The following COL8A1 variants were observed in gnomAD, a reference collection of about 807,000 sequenced individuals.
COL8A1 encodes the protein collagen type VIII alpha 1 chain.
COL8A1 carries 21 observed loss-of-function variants against 42.7 expected under a neutral mutation model. The observed-to-expected ratio is 0.49, with a 90% CI of 0.35 to 0.71. The LOEUF is 0.71. Among genes scored for constraint, COL8A1 ranks in the 30% least tolerant of loss-of-function variants. The probability of loss-of-function intolerance (pLI) is 0.01; values close to 1 mark genes in which losing one functional copy is unlikely to be tolerated. For synonymous variants in COL8A1, 367 were observed against 369.1 expected (o/e 0.99, Z 0.06); for missense variants, 788 against 962.4 (o/e 0.82, Z 2.40).
chr3:99,679,677 A>G (rs1179721664), intron 1 of COL8A1: 1 of 152,226 alleles, frequency 6.6e-6, no homozygotes, highest in African/African-American at 2.4e-5. Flanking sequence ...CTGTCAAACA[A>G]GAGAGATGAG....
intron 1 of COL8A1, among the ~76,000 whole-genome samples, chr3:99,694,759 T>C (rs1353439407): frequency 2.6e-5 from 4 of 152,212 alleles, no homozygotes; most frequent in Admixed American, 6.5e-5. Context: ...TTGCAGGGCT[T>C]TATTGATAGA....
intron 2 of COL8A1, among the ~76,000 whole-genome samples, chr3:99,772,300 C>T (rs755297370): frequency 5.3e-5 from 8 of 152,116 alleles, no homozygotes; most frequent in Non-Finnish European, 7.4e-5. Context: ...GAGTTTTCAG[C>T]GGTTGGGGAG....
intron 1 of COL8A1, among the ~76,000 whole-genome samples, chr3:99,704,460 A>C (rs998538992): frequency 6.6e-6 from 1 of 151,938 alleles, no homozygotes; most frequent in African/African-American, 2.4e-5. Flanking sequence ...TGTGCACAAC[A>C]TGCAGGTTTG....
At chr3:99,756,098 T>C (rs1941248619) in intron 2 of COL8A1, among the ~76,000 whole-genome samples, 1 of 151,450 alleles carries the variant, frequency 6.6e-6, no homozygotes, top group Non-Finnish European at 1.5e-5. Context: ...TGCAGATGGA[T>C]TGGATGTGTG....
intron 2 of COL8A1, among the ~76,000 whole-genome samples, chr3:99,783,105 A>G (rs1941825539): frequency 6.6e-6 from 1 of 152,238 alleles, no homozygotes; most frequent in African/African-American, 2.4e-5. Context: ...AAAAAAGGCA[A>G]TGAACTTACA....
chr3:99,723,223 C>T (rs979410250), intron 1 of COL8A1, among the ~76,000 whole-genome samples: 1 of 152,030 alleles, frequency 6.6e-6, no homozygotes, highest in Non-Finnish European at 1.5e-5. Context: ...ATCTTATTGG[C>T]AGTGAAGATT....
chr3:99,773,815 G>GTATATATATATATATATATATATATTA (rs1553682062), intron 2 of COL8A1, among the ~76,000 whole-genome samples: 1,732 of 35,696 alleles, frequency 0.049, 269 homozygotes, highest in Middle Eastern at 0.1. Context: ...ATATATGTGT[G>GTATATATATATATATATATATATATTA]TATATATATA....
At chr3:99,665,669 A>C (rs991552653) in intron 1 of COL8A1, among the ~76,000 whole-genome samples, 2 of 142,256 alleles carry the variant, frequency 1.4e-5, no homozygotes, top group Admixed American at 1.4e-4. Context: ...TTGTTGAATT[A>C]ATTCTTTTTT....
chr3:99,755,934 T>C (rs929823154), intron 2 of COL8A1, among the ~76,000 whole-genome samples: 1 of 152,056 alleles, frequency 6.6e-6, no homozygotes, highest in Admixed American at 6.6e-5. Flanking sequence ...AGTGACAGGA[T>C]CTGGTCTACT....
chr3:99,675,958 C>A (rs527461170), intron 1 of COL8A1, among the ~76,000 whole-genome samples: 2 of 151,852 alleles, frequency 1.3e-5, no homozygotes, highest in Non-Finnish European at 2.9e-5. Flanking sequence ...AATGTCTTGG[C>A]GAACTTAAAA....
At chr3:99,782,921 T>C (rs1280969213) in intron 2 of COL8A1, among the ~76,000 whole-genome samples, 1 of 121,336 alleles carries the variant, frequency 8.2e-6, no homozygotes, top group Non-Finnish European at 1.7e-5. Flanking sequence ...AAAATATATA[T>C]TCTACTTTAG....
At chr3:99,704,194 G>T (rs1007663546) in intron 1 of COL8A1, among the ~76,000 whole-genome samples, 3 of 152,040 alleles carry the variant, frequency 2.0e-5, no homozygotes, top group African/African-American at 4.8e-5. Flanking sequence ...CTTTAAGAAT[G>T]ATTTTTTTCT....
chr3:99,673,063 C>A (rs534391621), intron 1 of COL8A1, among the ~76,000 whole-genome samples: 1 of 152,112 alleles, frequency 6.6e-6, no homozygotes, highest in South Asian at 2.1e-4. Context: ...GTCTCTGAAC[C>A]AGATTTTCTA....
intron 2 of COL8A1, among the ~76,000 whole-genome samples, chr3:99,789,877 T>C (rs533995473): frequency 5.6e-4 from 85 of 152,290 alleles, no homozygotes; most frequent in African/African-American, 1.9e-3. Flanking sequence ...ATACAAGAAA[T>C]AAAGGTGCAT....
intron 2 of COL8A1, among the ~76,000 whole-genome samples, chr3:99,790,372 G>A (rs1252989171): frequency 6.6e-6 from 1 of 152,184 alleles, no homozygotes; most frequent in East Asian, 1.9e-4. Flanking sequence ...ATTCTGGGCT[G>A]CTCTATTCCC....
At chr3:99,758,052 G>A (rs1359624929) in intron 2 of COL8A1, among the ~76,000 whole-genome samples, 3 of 152,062 alleles carry the variant, frequency 2.0e-5, no homozygotes, top group Non-Finnish European at 4.4e-5. Context: ...ACTTACTTTT[G>A]CATCAAGCTC....
chr3:99,795,339 G>C lies in COL8A1; in HGVS notation c.1438G>C (p.Gly480Arg). 3 of 1,595,888 alleles carry C rather than the reference G, an allele frequency of 1.9e-6. No individual in the cohort carries two copies. The highest frequency in any genetic ancestry group is 1.7e-6 in the Non-Finnish European group (2 of 1,170,880). Residue 480 changes from glycine (G) to arginine (R), a missense_variant, in exon 4 of 4, where the codon GGA (glycine) becomes CGA (arginine). Around this residue, in one of 4 missense-constraint regions of COL8A1, gnomAD observed 154 missense variants for 182.3 expected, o/e 0.84. Transcript: ENST00000652472. ...PGLPGVPGLLGPKGEPGIPGD... is the reference protein window; with the variant it reads ...PGLPGVPGLLRPKGEPGIPGD... ...ACTCCCTGGTGTTCCAGGGCTTCTC[G>C]GACCTAAGGGAGAGCCAGGAATCCC... is the stretch of plus-strand genomic sequence containing the variant.
rs1365973368 is a variant in COL8A1, at chr3:99,796,559, A to T, written c.*423A>T. The T allele has an allele frequency of 1.3e-5, 2 of 155,052 alleles. No individual in the cohort carries two copies. The highest frequency in any genetic ancestry group is 6.4e-5 in the Admixed American group (1 of 15,730). 9.6% of individuals were successfully genotyped at this position (155,052 alleles called of 1,614,324 possible). ...AAGAAATACAAATGATAACAATTAC[A>T]TACCGTATTTACTTGCTTAATTTCC... On this transcript the variant is annotated 3_prime_UTR_variant, in exon 4 of 4. Transcript: ENST00000652472.
At chr3:99,713,619 C>T (rs912402454) in intron 1 of COL8A1, among the ~76,000 whole-genome samples, 1 of 152,060 alleles carries the variant, frequency 6.6e-6, no homozygotes, top group Non-Finnish European at 1.5e-5. Context: ...ACCGTTGATC[C>T]TGGGCATTGG....
Sources: allele counts gnomAD v4.1 joint callset (sites outside exome capture counted in the v4.1 genomes callset), GRCh38; gene constraint gnomAD v4.1.1; regional missense constraint gnomAD v4.1.1; transcripts MANE v1.5; gene names NCBI Gene and HGNC (gene_info 2026-07-23, HGNC 2026-07-21).